AGFG1: variants seen among roughly 807,000 people sequenced by gnomAD.
AGFG1 encodes ArfGAP with FG repeats 1, also known as arf-GAP domain and FG repeat-containing protein 1.
In AGFG1, 10 loss-of-function variants were observed where a neutral mutation model predicts 60.6. The ratio of observed to expected loss-of-function variants is 0.16; its 90% CI spans 0.10 to 0.28. The LOEUF is 0.28. Among genes scored for constraint, AGFG1 ranks in the 10% least tolerant of loss-of-function variants. The pLI, the probability that AGFG1 is intolerant of heterozygous loss-of-function variation, is 1.00. For synonymous variants in AGFG1, 247 were observed against 242.9 expected, an observed-to-expected ratio of 1.02 and a Z score of -0.16; for missense variants, 537 against 676.5, an observed-to-expected ratio of 0.79 and a Z score of 2.29.
intron 1 of AGFG1, among the ~76,000 whole-genome samples, chr2:227,479,088 C>T (rs1187600204): frequency 6.6e-6 from 1 of 152,164 alleles, no homozygotes; most frequent in East Asian, 1.9e-4. Flanking sequence ...GCCTTCTAGC[C>T]ATGAATGTTC....
intron 2 of AGFG1, among the ~76,000 whole-genome samples, chr2:227,498,118 C>G (rs982080955): frequency 6.6e-6 from 1 of 151,892 alleles, no homozygotes; most frequent in South Asian, 2.1e-4. Flanking sequence ...GATGTAAGAT[C>G]ATGGTTTTAT....
intron 2 of AGFG1, among the ~76,000 whole-genome samples, chr2:227,513,949 A>G (rs1287893067): frequency 6.6e-6 from 1 of 152,236 alleles, no homozygotes; most frequent in Non-Finnish European, 1.5e-5. Flanking sequence ...AAAGTAAATG[A>G]GACACATGCT....
Position 227,554,898 on chromosome 2 carries a change from A to T in AGFG1, c.*403A>T, listed in dbSNP as rs116326133. On this transcript the variant is annotated 3_prime_UTR_variant, in exon 13 of 13. Transcript: ENST00000310078. ...AGCCACTTTTAAGGTGCTGTCATAT[A>T]TCTTGGAATGAATGACCTAAAATCA... 369 of 154,750 alleles carry T rather than the reference A, an allele frequency of 2.4e-3. 2 individuals are homozygous for T. The highest frequency in any genetic ancestry group is 4.1e-3 in the Non-Finnish European group (282 of 69,366). The allele number at this position is 154,750 out of a possible 1,614,324, so 9.6% of individuals were successfully genotyped here.
intron 1 of AGFG1, among the ~76,000 whole-genome samples, chr2:227,483,861 T>C (rs1690540030): frequency 6.6e-6 from 1 of 152,196 alleles, no homozygotes; most frequent in African/African-American, 2.4e-5. Context: ...AATTAAAAAA[T>C]TGGCCAAGTT....
rs1209641619 is a variant in AGFG1 at position 227,556,825 on chromosome 2, A to G, written c.*2330A>G. ...GTGTGAGAGCCTGTGAGTCCTAGCT[A>G]CCTGGAGGTGAGGTGGGAACATCAC... On this transcript the variant is annotated 3_prime_UTR_variant, in exon 13 of 13. Coordinates refer to ENST00000310078, the MANE Select transcript of AGFG1 (RefSeq NM_004504.5). 4 of 152,148 alleles carry G rather than the reference A, an allele frequency of 2.6e-5. No homozygotes were observed. Among genetic ancestry groups the G allele is most frequent in the African/African-American group, 9.7e-5 (4 of 41,404 alleles). The allele number at this position is 152,148 out of a possible 1,614,324, so 9.4% of individuals were successfully genotyped here. A position where few individuals can be genotyped will look rare whatever the true frequency, so the allele number is the denominator to read the frequency against.
chr2:227,548,272 T>C (rs925846807), intron 10 of AGFG1, among the ~76,000 whole-genome samples: 2 of 152,220 alleles, frequency 1.3e-5, no homozygotes, highest in Non-Finnish European at 2.9e-5. Flanking sequence ...CTGATGGTGG[T>C]TGTACATCCC....
intron 10 of AGFG1, among the ~76,000 whole-genome samples, chr2:227,547,882 A>G (rs529822581): frequency 6.6e-6 from 1 of 152,356 alleles, no homozygotes; most frequent in South Asian, 2.1e-4. Flanking sequence ...CTGCACAAAA[A>G]TTTGTACACA....
intron 1 of AGFG1, among the ~76,000 whole-genome samples, chr2:227,477,713 C>T (rs1234808471): frequency 6.6e-6 from 1 of 152,160 alleles, no homozygotes; most frequent in Non-Finnish European, 1.5e-5. Context: ...TCAAGCGACT[C>T]TCCTGCCTCA....
intron 10 of AGFG1, 77 bp from the exon 11 acceptor site, chr2:227,551,882 C>A (rs892567394): frequency 1.3e-6 from 2 of 1,507,708 alleles, no homozygotes; most frequent in Non-Finnish European, 9.0e-7. Context: ...TAAATGATGT[C>A]TTTTTACATT....
intron 11 of AGFG1, among the ~76,000 whole-genome samples, chr2:227,553,173 A>G (rs1692872591): frequency 6.6e-6 from 1 of 152,200 alleles, no homozygotes; most frequent in Admixed American, 6.5e-5. Flanking sequence ...AATTTTAGTT[A>G]TTGAGACAAG....
chr2:227,484,027 G>A (rs1332978326), intron 1 of AGFG1, among the ~76,000 whole-genome samples: 1 of 151,886 alleles, frequency 6.6e-6, no homozygotes, highest in Non-Finnish European at 1.5e-5. Flanking sequence ...TTAACATTAG[G>A]TATATCTCCT....
chr2:227,472,544 C>T lies in AGFG1; in HGVS notation c.123C>T (p.Asn41=), dbSNP rs753514477. The change falls in exon 1 of 13, where the codon AAC becomes AAT. Residue 41 remains asparagine, a synonymous_variant. Coordinates refer to ENST00000310078, the MANE Select transcript of AGFG1 (RefSeq NM_004504.5). ...DCDQRGPTYV[N]MTVGSFVCTS... ...ACCAGCGCGGCCCCACCTACGTTAA[C>T]ATGACGGTCGGCTCCTTCGTGTGTA... 5.7e-6 allele frequency: 9 copies of T among 1,582,324 alleles called. No individual in the cohort carries two copies. The highest frequency in any genetic ancestry group is 6.9e-6 in the Non-Finnish European group (8 of 1,164,100).
chr2:227,477,861 C>T (rs1279454434), intron 1 of AGFG1, among the ~76,000 whole-genome samples: 16 of 152,060 alleles, frequency 1.1e-4, no homozygotes, highest in African/African-American at 2.9e-4. Context: ...CCACCTACCT[C>T]GGCCTCCCAA....
At position 227,559,974 on chromosome 2, in the gene AGFG1, G is replaced by C. The variant is rs1261164689; in HGVS notation, c.*5479G>C. On this transcript the variant is annotated 3_prime_UTR_variant, in exon 13 of 13. Transcript: ENST00000310078. ...TACACAAAGGGCATAAAGTCAAAAA[G>C]TGTGTCTCCCTCTGTGACTTTATTC... 1 of 152,104 alleles carries C rather than the reference G, an allele frequency of 6.6e-6. No homozygotes were observed. Among genetic ancestry groups the C allele is most frequent in the African/African-American group, 2.4e-5 (1 of 41,438 alleles). 9.4% of individuals were successfully genotyped at this position (152,104 alleles called of 1,614,324 possible).
intron 2 of AGFG1, among the ~76,000 whole-genome samples, chr2:227,501,312 C>T (rs1691148469): frequency 6.6e-6 from 1 of 152,188 alleles, no homozygotes; most frequent in Non-Finnish European, 1.5e-5. Flanking sequence ...AACTCCTGAC[C>T]TCAGGTGATC....
Position 227,491,648 on chromosome 2 carries a change from G to GTTTT in AGFG1, c.261+20_261+23dup. ...CAAAAACATGGAAATGAAGTAAGTG[G>GTTTT]TTTTTTTTTTTTTTTGCAATTTTTG... On this transcript the variant is annotated intron_variant, in intron 2 of 12. Coordinates refer to ENST00000310078, the MANE Select transcript of AGFG1 (RefSeq NM_004504.5). 8 of 1,164,070 alleles carry GTTTT rather than the reference G, an allele frequency of 6.9e-6. No individual in the cohort carries two copies. Among genetic ancestry groups the GTTTT allele is most frequent in the South Asian group, 3.9e-5 (2 of 51,598 alleles). 72.1% of individuals were successfully genotyped at this position (1,164,070 alleles called of 1,614,324 possible).
chr2:227,496,671 A>C (rs1249168654), intron 2 of AGFG1, among the ~76,000 whole-genome samples: 1 of 152,188 alleles, frequency 6.6e-6, no homozygotes, highest in African/African-American at 2.4e-5. Context: ...TAACTATAAT[A>C]CCTATGTATA....
At chr2:227,491,935 G>T (rs756788255) in intron 2 of AGFG1, among the ~76,000 whole-genome samples, 1 of 152,056 alleles carries the variant, frequency 6.6e-6, no homozygotes, top group Non-Finnish European at 1.5e-5. Flanking sequence ...GTTAGTCTTC[G>T]CTTCAAAAGT....
chr2:227,515,592 A>G (rs1344614648), intron 2 of AGFG1, among the ~76,000 whole-genome samples: 3 of 151,944 alleles, frequency 2.0e-5, no homozygotes, highest in Admixed American at 1.3e-4. Flanking sequence ...ACCTTTTTCC[A>G]ACTTCTGTCA....
Sources: gnomAD v4.1 joint callset for allele counts (sites outside exome capture counted in the v4.1 genomes callset) on GRCh38, gnomAD v4.1.1 for gene constraint, MANE v1.5 for transcripts, NCBI Gene and HGNC (gene_info 2026-07-23, HGNC 2026-07-21) for gene names.